Variants in NBPF11 observed in about 807,000 individuals in gnomAD.
The protein encoded by NBPF11 is NBPF member 11.
NBPF11 carries 72 observed loss-of-function variants against 93.9 expected under a neutral mutation model. The ratio of observed to expected loss-of-function variants is 0.77; its 90% confidence interval spans 0.63 to 0.93. NBPF11 has a LOEUF of 0.93. NBPF11 is among the 40% of genes least tolerant of loss of function. The pLI, the probability that NBPF11 is intolerant of heterozygous loss-of-function variation, is 0.00. For synonymous variants in NBPF11, 224 were observed against 304.9 expected, an observed-to-expected ratio of 0.73 and a Z score of 2.76; for missense variants, 705 against 802.2, an observed-to-expected ratio of 0.88 and a Z score of 1.46.
intron 10 of NBPF11, among the ~76,000 whole-genome samples, chr1:148,119,783 G>A (rs1667408600): frequency 6.6e-6 from 1 of 151,910 alleles, no homozygotes; most frequent in Non-Finnish European, 1.5e-5. Context: ...AGCCTCCTGA[G>A]CAGGGGTGAT....
intron 17 of NBPF11, 95 bp from the exon 18 acceptor site, chr1:148,108,749 A>G: frequency 1.3e-6 from 1 of 780,514 alleles, no homozygotes; most frequent in Non-Finnish European, 2.3e-6. Flanking sequence ...GAAGAGTTTG[A>G]AAAGAAAAAG....
chr1:148,126,955 T>C lies in NBPF11; in HGVS notation c.49A>G (p.Ile17Val). The C allele has an allele frequency of 1.3e-5, 11 of 864,870 alleles. No homozygotes were observed. Among genetic ancestry groups the C allele is most frequent in the East Asian group, 9.9e-5 (4 of 40,432 alleles). The allele number at this position is 864,870 out of a possible 1,614,324, so 53.6% of individuals were successfully genotyped here. Residue 17 changes from isoleucine to valine, a missense_variant, in exon 5 of 24, where the codon ATT becomes GTT. Around this residue, in one of 12 missense-constraint regions of NBPF11, gnomAD observed 128 missense variants for 112.8 expected, o/e 1.14. Coordinates refer to ENST00000682118, the MANE Select transcript of NBPF11 (RefSeq NM_001385469.3). ...PWSSEKAEMN[I>V]LEINEKLRPQ... ...CGCAATTTCTCGTTGATTTCTAGAA[T>C]GTTCATCTCTGCCTTCTCGCTGGAC...
chr1:148,115,698 T>G, intron 14 of NBPF11, 95 bp downstream of exon 14: 1 of 1,082,704 alleles, frequency 9.2e-7, no homozygotes, highest in Non-Finnish European at 1.4e-6. Flanking sequence ...TCACAGTTTT[T>G]TATTCAAATG....
chr1:148,127,995 G>C (rs1190788173), intron 4 of NBPF11, among the ~76,000 whole-genome samples: 2 of 150,370 alleles, frequency 1.3e-5, no homozygotes, highest in African/African-American at 5.0e-5. Context: ...CCACTAATTT[G>C]TTTGATTGTG....
At chr1:148,146,324 C>T in intron 1 of NBPF11, 1 of 1,388,344 alleles carries the variant, frequency 7.2e-7, no homozygotes, top group Non-Finnish European at 9.3e-7. Flanking sequence ...CCACCCCTCC[C>T]CTGCCGGGCC....
Position 148,122,738 on chromosome 1 carries a change from G to A in NBPF11, c.557C>T (p.Ser186Phe), listed in dbSNP as rs1668160333. ...GAGTATTCAATGTTACCTGGGGGCA[G>A]ATGATTCCAGTACTTTCTCATCCTC... ...VEEDEKVLES[S>F]APREVQKAEE... The change falls in exon 8 of 24, where the codon TCT (serine) becomes TTT (phenylalanine). Residue 186 changes from serine to phenylalanine, a missense_variant. Ser to Phe is a radical substitution (Grantham distance 155). Around this residue, in one of 12 missense-constraint regions of NBPF11, gnomAD observed 262 missense variants for 223.1 expected, o/e 1.17. Transcript: ENST00000682118. The A allele has an allele frequency of 6.2e-7, 1 of 1,609,642 alleles. No individual in the cohort carries two copies. The highest frequency in any genetic ancestry group is 2.2e-5 in the East Asian group (1 of 44,876).
At chr1:148,122,695 C>A (rs1668151164) in intron 8 of NBPF11, 34 bp downstream of exon 8, 1 of 1,605,894 alleles carries the variant, frequency 6.2e-7, no homozygotes, top group Non-Finnish European at 8.5e-7. Context: ...CATATGTTAC[C>A]ACCCATTACT....
intron 1 of NBPF11, chr1:148,146,751 C>A: frequency 6.2e-7 from 1 of 1,612,894 alleles, no homozygotes; most frequent in East Asian, 2.2e-5. Context: ...TCTCGCACGG[C>A]AATGCCGTGG....
At chr1:148,149,087 C>A (rs1361655008) in intron 1 of NBPF11, 31 of 1,355,564 alleles carry the variant, frequency 2.3e-5, no homozygotes, top group Admixed American at 4.3e-5. Context: ...CGGAGCTGGG[C>A]CCGGGGACGC....
chr1:148,124,693 G>A (rs1668672843), intron 6 of NBPF11, among the ~76,000 whole-genome samples: 3 of 151,960 alleles, frequency 2.0e-5, no homozygotes, highest in African/African-American at 7.3e-5. Flanking sequence ...GTTTGAAAAA[G>A]AGAAAACAAG....
chr1:148,115,833 G>A lies in NBPF11; in HGVS notation c.1545C>T (p.Ser515=). 1 of 1,585,918 alleles carries A rather than the reference G, an allele frequency of 6.3e-7. No individual in the cohort carries two copies. The change falls in exon 14 of 24, where the codon TCC becomes TCT. Residue 515 remains serine, a synonymous_variant. Coordinates refer to ENST00000682118, the MANE Select transcript of NBPF11 (RefSeq NM_001385469.3). ...DKVDSTLIGS[S]SHVEWEDAVH... ...CAGCATCCTCCCATTCAACATGAGA[G>A]GATGAGCCAATGAGAGTTGAGTCGA...
Position 148,103,701 on chromosome 1 carries a change from C to T in NBPF11, c.*195G>A. 2 of 1,611,318 alleles carry T rather than the reference C, an allele frequency of 1.2e-6. No homozygotes were observed. The highest frequency in any genetic ancestry group is 1.1e-5 in the South Asian group (1 of 90,982). Reference sequence around the variant, plus strand: ...GGGAATATGACTCCCATCTGGAAGACCAGGTGGAGACTTCTCACCGTCAAA... The same window carrying T: ...GGGAATATGACTCCCATCTGGAAGATCAGGTGGAGACTTCTCACCGTCAAA... On this transcript the variant is annotated 3_prime_UTR_variant, in exon 24 of 24. Coordinates refer to ENST00000682118, the MANE Select transcript of NBPF11 (RefSeq NM_001385469.3).
At chr1:148,124,872 C>T (rs587633267) in intron 6 of NBPF11, 27 bp downstream of exon 6, 22 of 1,605,238 alleles carry the variant, frequency 1.4e-5, no homozygotes, top group South Asian at 7.7e-5. Context: ...ACCTACCTGC[C>T]TGTCTCCCCC....
intron 5 of NBPF11, among the ~76,000 whole-genome samples, chr1:148,125,668 C>G (rs1263595669): frequency 6.6e-6 from 1 of 152,016 alleles, no homozygotes; most frequent in Non-Finnish European, 1.5e-5. Flanking sequence ...GAATGAAGAA[C>G]TAATAGATAG....
At chr1:148,146,712 C>A in intron 1 of NBPF11, 1 of 1,612,002 alleles carries the variant, frequency 6.2e-7, no homozygotes. Context: ...ATGTTCGCTG[C>A]GTGCCTGGTG....
At chr1:148,128,936 G>C (rs1431533368) in intron 4 of NBPF11, among the ~76,000 whole-genome samples, 5 of 146,718 alleles carry the variant, frequency 3.4e-5, no homozygotes, top group Non-Finnish European at 1.5e-5. Flanking sequence ...ACTCATGGGT[G>C]GGAATTGAAC....
chr1:148,121,894 G>T (rs1246745612), intron 9 of NBPF11, among the ~76,000 whole-genome samples, 161 bp downstream of exon 9: 1 of 151,642 alleles, frequency 6.6e-6, no homozygotes, highest in African/African-American at 2.4e-5. Flanking sequence ...CTCCCACTTG[G>T]GCCTTCCAAA....
At chr1:148,150,090 A>G (rs1647904193) in intron 1 of NBPF11, among the ~76,000 whole-genome samples, 1 of 151,648 alleles carries the variant, frequency 6.6e-6, no homozygotes, top group African/African-American at 2.4e-5. Flanking sequence ...TATATACCCC[A>G]ATATAGTAAT....
chr1:148,124,232 G>A (rs1571453714), intron 6 of NBPF11, among the ~76,000 whole-genome samples, 165 bp from the exon 7 acceptor site: 1 of 151,762 alleles, frequency 6.6e-6, no homozygotes, highest in Non-Finnish European at 1.5e-5. Context: ...ACAGAAAATG[G>A]TCTACAGGCT....
Sources: allele counts gnomAD v4.1 joint callset (sites outside exome capture counted in the v4.1 genomes callset), GRCh38; gene constraint gnomAD v4.1.1; regional missense constraint gnomAD v4.1.1; transcripts MANE v1.5; gene names NCBI Gene and HGNC (gene_info 2026-07-23, HGNC 2026-07-21).